The following GRHL2 variants were observed in gnomAD, a reference collection of about 807,000 sequenced individuals.
The protein encoded by GRHL2 is grainyhead like transcription factor 2.
A neutral mutation model predicts 83.8 loss-of-function variants in GRHL2; 21 were observed. The ratio of observed to expected loss-of-function variants is 0.25; its 90% CI spans 0.18 to 0.36. The LOEUF (loss-of-function observed/expected upper bound fraction) is 0.36, where lower values mean the gene tolerates loss of function less well. Among genes scored for constraint, GRHL2 ranks in the 10% least tolerant of loss-of-function variants. GRHL2 has a pLI of 1.00. For synonymous variants in GRHL2, 280 were observed against 278.9 expected, an observed-to-expected ratio of 1.00 and a Z score of -0.04; for missense variants, 623 against 781.8, an observed-to-expected ratio of 0.80 and a Z score of 2.42.
intron 14 of GRHL2, among the ~76,000 whole-genome samples, chr8:101,663,233 C>T (rs926564402): frequency 1.3e-5 from 2 of 152,164 alleles, no homozygotes; most frequent in Non-Finnish European, 2.9e-5. Flanking sequence ...GTTATTCTTG[C>T]ATCTGAGAGT....
chr8:101,552,742 G>C lies in GRHL2; in HGVS notation c.244G>C (p.Val82Leu), dbSNP rs780639699. Residue 82 changes from valine to leucine, a missense_variant, in exon 3 of 16, where the codon GTA (valine) becomes CTA (leucine). Val to Leu is a conservative substitution (Grantham distance 32). Around this residue, in one of 8 missense-constraint regions of GRHL2, gnomAD observed 239 missense variants for 240.5 expected, o/e 0.99. Coordinates refer to ENST00000646743, the MANE Select transcript of GRHL2 (RefSeq NM_024915.4). ...TCCTCGAGACAAGAGGCTGCTGTCT[G>C]TAAGCAAAGCAAGTGACAGCCAAGA... Reference protein sequence around the residue: ...KVPRDKRLLSVSKASDSQEDQ... With the variant: ...KVPRDKRLLSLSKASDSQEDQ... The C allele has an allele frequency of 3.1e-6, 5 of 1,614,040 alleles. No individual in the cohort carries two copies. The African/African-American group carries it at 6.7e-5, about 22-fold the overall frequency.
chr8:101,643,230 G>A lies in GRHL2; in HGVS notation c.1518-901G>A, dbSNP rs118095122. ...GTCTTTCGGGATTGTGATCAGCACC[G>A]GGTCCCAGGACTTCAGAGACACTAA... On this transcript the variant is annotated intron_variant, in intron 12 of 15. Transcript: ENST00000646743. Among the ~76,000 whole-genome samples the A allele has an allele frequency of 3.2e-3, 486 of 152,030 alleles. 11 individuals carry two copies. The East Asian group carries it at 0.06, about 19-fold the overall frequency.
At chr8:101,627,525 T>C (rs1813103134) in intron 9 of GRHL2, among the ~76,000 whole-genome samples, 1 of 152,018 alleles carries the variant, frequency 6.6e-6, no homozygotes, top group Non-Finnish European at 1.5e-5. Flanking sequence ...TCCTATTGCC[T>C]GAGAAACAAC....
chr8:101,672,616 T>C (rs1171938552), downstream of GRHL2, among the ~76,000 whole-genome samples: 2 of 151,662 alleles, frequency 1.3e-5, no homozygotes, highest in Admixed American at 6.6e-5. Flanking sequence ...TGGAACCAAG[T>C]TGGAAAACAC....
intron 9 of GRHL2, among the ~76,000 whole-genome samples, chr8:101,630,058 T>C (rs1199132726): frequency 6.6e-6 from 1 of 152,248 alleles, no homozygotes; most frequent in African/African-American, 2.4e-5. Flanking sequence ...TAAAAATGCA[T>C]AATTAAATGA....
chr8:101,532,238 A>G (rs1810943056), intron 1 of GRHL2, among the ~76,000 whole-genome samples: 1 of 152,250 alleles, frequency 6.6e-6, no homozygotes, highest in Non-Finnish European at 1.5e-5. Flanking sequence ...TTTCCATTTG[A>G]AAGTCTTATT....
chr8:101,571,490 TAAA>T (rs55827087), intron 5 of GRHL2, among the ~76,000 whole-genome samples: 4 of 131,358 alleles, frequency 3.0e-5, no homozygotes, highest in Non-Finnish European at 1.6e-5. Flanking sequence ...CCCCATTACA[TAAA>T]AAAAAAAAAA....
chr8:101,529,792 AG>A (rs1810882832), intron 1 of GRHL2, among the ~76,000 whole-genome samples: 2 of 152,256 alleles, frequency 1.3e-5, no homozygotes, highest in African/African-American at 4.8e-5. Context: ...CAGCCCTGGC[AG>A]GGGGCCGCTC....
At chr8:101,541,898 G>C (rs1412256628) in intron 1 of GRHL2, among the ~76,000 whole-genome samples, 1 of 152,152 alleles carries the variant, frequency 6.6e-6, no homozygotes, top group Non-Finnish European at 1.5e-5. Context: ...TGTTTCTACT[G>C]TAAATTCCCC....
intron 1 of GRHL2, among the ~76,000 whole-genome samples, chr8:101,507,743 C>G (rs1329198363): frequency 2.9e-5 from 4 of 139,584 alleles, no homozygotes; most frequent in Admixed American, 1.4e-4. Flanking sequence ...TTTTTTACTA[C>G]TAAGGTCAAT....
chr8:101,624,431 G>A (rs1813035961), intron 9 of GRHL2, among the ~76,000 whole-genome samples: 3 of 151,612 alleles, frequency 2.0e-5, no homozygotes, highest in African/African-American at 7.3e-5. Context: ...CAGTAGGACA[G>A]TACACAGTAG....
chr8:101,596,838 G>A (rs1343953414), intron 7 of GRHL2, among the ~76,000 whole-genome samples: 3 of 152,106 alleles, frequency 2.0e-5, no homozygotes, highest in African/African-American at 7.2e-5. Flanking sequence ...CTTTCCTGTG[G>A]TGGCCACACA....
chr8:101,616,249 C>T (rs1812855610), intron 8 of GRHL2, among the ~76,000 whole-genome samples: 1 of 151,884 alleles, frequency 6.6e-6, no homozygotes, highest in African/African-American at 2.4e-5. Context: ...CGGCTCACTG[C>T]AAACTCCACC....
At chr8:101,622,180 A>G (rs1247760831) in intron 9 of GRHL2, among the ~76,000 whole-genome samples, 2 of 152,244 alleles carry the variant, frequency 1.3e-5, no homozygotes, top group Non-Finnish European at 2.9e-5. Context: ...AAATTTGATT[A>G]TCAAACTTTT....
intron 8 of GRHL2, among the ~76,000 whole-genome samples, chr8:101,605,925 C>T (rs946549144): frequency 1.3e-5 from 2 of 152,210 alleles, no homozygotes; most frequent in African/African-American, 4.8e-5. Context: ...TCCCTGGCAT[C>T]CTGAATTTCA....
At chr8:101,669,773 C>T (rs1169252724), downstream of GRHL2, 1 of 152,020 alleles carries the variant, frequency 6.6e-6, no homozygotes, top group African/African-American at 2.4e-5. Flanking sequence ...GGGATTTTTA[C>T]CTTGTTGGAG....
chr8:101,541,989 A>T, intron 1 of GRHL2, among the ~76,000 whole-genome samples: 1 of 152,146 alleles, frequency 6.6e-6, no homozygotes, highest in African/African-American at 2.4e-5. Context: ...ATTCTGTTGT[A>T]GCACAGGATC....
At position 101,653,096 on chromosome 8, in the gene GRHL2, C is replaced by T. The variant is rs1345881800; in HGVS notation, c.1698+3597C>T. On this transcript the variant is annotated intron_variant, in intron 14 of 15. Transcript: ENST00000646743. ...GTGTGGGGAGGTCCTCTCTCCTGAG[C>T]CCAGAGGCAAAAAGCTGCTCCCAAG... Among the ~76,000 whole-genome samples, 13 of 152,300 alleles carry T rather than the reference C, an allele frequency of 8.5e-5. No individual in the cohort carries two copies. The East Asian group carries it at 2.3e-3, about 27-fold the overall frequency.
chr8:101,652,191 C>CTT (rs144831743), intron 14 of GRHL2, among the ~76,000 whole-genome samples: 7,761 of 152,128 alleles, frequency 0.051, 219 homozygotes, highest in Middle Eastern at 0.14. Flanking sequence ...GTGCACGACA[C>CTT]TTTACCATAG....
Sources: gnomAD v4.1 joint callset for allele counts (sites outside exome capture counted in the v4.1 genomes callset) on GRCh38, gnomAD v4.1.1 for gene constraint, gnomAD v4.1.1 regional missense constraint, MANE v1.5 for transcripts, NCBI Gene and HGNC (gene_info 2026-07-23, HGNC 2026-07-21) for gene names.